Variants in SLC13A1 observed in about 807,000 individuals in gnomAD.
The protein encoded by SLC13A1 is solute carrier family 13 member 1.
In SLC13A1, 65 loss-of-function variants were observed where a neutral mutation model predicts 70.0. That is an observed-to-expected ratio of 0.93 (90% CI 0.76 to 1.14). The LOEUF (loss-of-function observed/expected upper bound fraction) is 1.14, where lower values mean the gene tolerates loss of function less well. Among genes scored for constraint, SLC13A1 ranks in the 50% most tolerant of loss-of-function variants. The pLI, the probability that SLC13A1 is intolerant of heterozygous loss-of-function variation, is 0.00. For synonymous variants in SLC13A1, 275 were observed against 250.5 expected, an observed-to-expected ratio of 1.10 and a Z score of -0.92; for missense variants, 726 against 717.8, an observed-to-expected ratio of 1.01 and a Z score of -0.13.
intron 1 of SLC13A1, among the ~76,000 whole-genome samples, chr7:123,197,453 G>A (rs1206949954): frequency 6.6e-6 from 1 of 152,030 alleles, no homozygotes; most frequent in African/African-American, 2.4e-5. Flanking sequence ...TTGCATTTAT[G>A]TTAAAGTAAA....
intron 8 of SLC13A1, among the ~76,000 whole-genome samples, chr7:123,132,879 A>G (rs1363788924): frequency 6.6e-6 from 1 of 152,310 alleles, no homozygotes; most frequent in East Asian, 1.9e-4. Context: ...TTTGCTCTGG[A>G]GCCCTTCATA....
intron 11 of SLC13A1, 103 bp from the exon 12 acceptor site, chr7:123,123,338 C>A: frequency 1.4e-6 from 1 of 713,598 alleles, no homozygotes; most frequent in African/African-American, 1.7e-5. Flanking sequence ...TTGTAATATT[C>A]CTATATTGTT....
intron 3 of SLC13A1, 54 bp from the exon 4 acceptor site, chr7:123,169,389 G>A (rs1400249166): frequency 2.4e-5 from 35 of 1,478,608 alleles, no homozygotes; most frequent in Admixed American, 2.1e-4. Flanking sequence ...AACTAGCACC[G>A]TATTATTTAA....
intron 1 of SLC13A1, among the ~76,000 whole-genome samples, chr7:123,185,533 G>A (rs1795770286): frequency 6.6e-6 from 1 of 152,010 alleles, no homozygotes; most frequent in Admixed American, 6.6e-5. Flanking sequence ...ATTTATTGAA[G>A]AGATTCTCCT....
intron 2 of SLC13A1, among the ~76,000 whole-genome samples, chr7:123,176,546 T>G (rs546763585): frequency 9.2e-5 from 14 of 152,328 alleles, no homozygotes; most frequent in African/African-American, 3.1e-4. Flanking sequence ...TTCAGCAACC[T>G]TTCTACAAAT....
intron 1 of SLC13A1, among the ~76,000 whole-genome samples, chr7:123,193,475 A>G (rs1796066738): frequency 6.6e-6 from 1 of 152,204 alleles, no homozygotes; most frequent in South Asian, 2.1e-4. Flanking sequence ...TTTGTCCATC[A>G]TGGGTAGAGG....
intron 2 of SLC13A1, among the ~76,000 whole-genome samples, chr7:123,178,777 G>A (rs1304500761): frequency 6.6e-6 from 1 of 152,146 alleles, no homozygotes; most frequent in Non-Finnish European, 1.5e-5. Flanking sequence ...TTTGCTGCAA[G>A]TTCCAGTTAA....
chr7:123,199,097 T>C (rs2116705932), intron 1 of SLC13A1, among the ~76,000 whole-genome samples: 1 of 152,246 alleles, frequency 6.6e-6, no homozygotes, highest in Non-Finnish European at 1.5e-5. Flanking sequence ...GCCTGTCCTC[T>C]TACTACCAAG....
chr7:123,149,247 T>C (rs536706908), intron 6 of SLC13A1, among the ~76,000 whole-genome samples: 1 of 152,222 alleles, frequency 6.6e-6, no homozygotes, highest in Non-Finnish European at 1.5e-5. Flanking sequence ...CTACATATGG[T>C]CCAAGGGAAA....
At chr7:123,125,768 T>C in intron 10 of SLC13A1, 93 bp from the exon 11 acceptor site, 2 of 835,192 alleles carry the variant, frequency 2.4e-6, no homozygotes, top group Non-Finnish European at 4.0e-6. Context: ...CAGTAATAGG[T>C]TATTATCAGT....
At chr7:123,145,592 T>C (rs931381588) in intron 7 of SLC13A1, among the ~76,000 whole-genome samples, 1 of 152,186 alleles carries the variant, frequency 6.6e-6, no homozygotes, top group East Asian at 1.9e-4. Flanking sequence ...GTCAGGTGCA[T>C]TTCTTGTCTT....
intron 10 of SLC13A1, among the ~76,000 whole-genome samples, chr7:123,126,227 C>T (rs1284543721): frequency 6.6e-6 from 1 of 152,164 alleles, no homozygotes; most frequent in Non-Finnish European, 1.5e-5. Context: ...CCATATCATA[C>T]AAAGGAAAGC....
intron 6 of SLC13A1, chr7:123,148,367 C>T: frequency 2.9e-6 from 1 of 345,178 alleles, no homozygotes; most frequent in Non-Finnish European, 5.7e-6. Context: ...CAACGATTTT[C>T]AGTTCTCCAC....
At chr7:123,175,889 C>T (rs2116586839) in intron 2 of SLC13A1, among the ~76,000 whole-genome samples, 1 of 152,280 alleles carries the variant, frequency 6.6e-6, no homozygotes, top group Non-Finnish European at 1.5e-5. Flanking sequence ...ATGAGACATT[C>T]TTGCTGTTAC....
At chr7:123,138,120 A>G (rs1293857223) in intron 7 of SLC13A1, among the ~76,000 whole-genome samples, 2 of 152,060 alleles carry the variant, frequency 1.3e-5, no homozygotes, top group East Asian at 3.9e-4. Flanking sequence ...TATCACCATT[A>G]GTTCATTTGT....
rs145044274 is a variant in SLC13A1 at position 123,199,902 on chromosome 7, G to T, written c.45C>A (p.Phe15Leu). 20 of 1,612,928 alleles carry T rather than the reference G, an allele frequency of 1.2e-5. No homozygotes were observed. The highest frequency in any genetic ancestry group is 1.0e-4 in the Admixed American group (6 of 59,842). ...GTAAAACCAACACAGTGAAAACCACGAAGAGAAATCGGCGATAAACCAGAA... is the reference window on the plus strand; with the variant it reads ...GTAAAACCAACACAGTGAAAACCACTAAGAGAAATCGGCGATAAACCAGAA... ...SYILVYRRFLFVVFTVLVLLP... is the reference protein window; with the variant it reads ...SYILVYRRFLLVVFTVLVLLP... The change falls in exon 1 of 15, where the codon TTC becomes TTA. Residue 15 changes from phenylalanine to leucine, a missense_variant. Coordinates refer to ENST00000194130, the MANE Select transcript of SLC13A1 (RefSeq NM_022444.4).
chr7:123,163,380 G>A (rs1794973649), intron 6 of SLC13A1, among the ~76,000 whole-genome samples: 1 of 152,020 alleles, frequency 6.6e-6, no homozygotes, highest in Non-Finnish European at 1.5e-5. Context: ...TAGTATTTGG[G>A]CCATGGCCTA....
chr7:123,189,203 T>C (rs1414654702), intron 1 of SLC13A1, among the ~76,000 whole-genome samples: 1 of 151,834 alleles, frequency 6.6e-6, no homozygotes, highest in African/African-American at 2.4e-5. Flanking sequence ...AGTGTAGAGC[T>C]TTAATATTTT....
intron 1 of SLC13A1, among the ~76,000 whole-genome samples, chr7:123,198,533 A>G (rs17145544): frequency 0.01 from 1,555 of 152,132 alleles, 31 homozygotes; most frequent in African/African-American, 0.035. Flanking sequence ...TGCTGCAGCT[A>G]GAAGATTGCA....
Sources: allele counts gnomAD v4.1 joint callset (sites outside exome capture counted in the v4.1 genomes callset), GRCh38; gene constraint gnomAD v4.1.1; transcripts MANE v1.5; gene names NCBI Gene and HGNC (gene_info 2026-07-23, HGNC 2026-07-21).